Variants in DOCK3 observed in about 807,000 individuals in gnomAD.
DOCK3 encodes dedicator of cytokinesis protein 3.
DOCK3 carries 60 observed loss-of-function variants against 265.6 expected under a neutral mutation model. That is an observed-to-expected ratio of 0.23 (90% confidence interval 0.18 to 0.28). The LOEUF (loss-of-function observed/expected upper bound fraction) is 0.28, where lower values mean the gene tolerates loss of function less well. DOCK3 is among the 10% of genes least tolerant of loss of function. The pLI, the probability that DOCK3 is intolerant of heterozygous loss-of-function variation, is 1.00. For synonymous variants in DOCK3, 881 were observed against 938.0 expected, an observed-to-expected ratio of 0.94 and a Z score of 1.11; for missense variants, 1,981 against 2,594.3, an observed-to-expected ratio of 0.76 and a Z score of 5.14.
At chr3:50,690,834 G>T (rs1306507872) in intron 1 of DOCK3, among the ~76,000 whole-genome samples, 1 of 151,444 alleles carries the variant, frequency 6.6e-6, no homozygotes, top group Non-Finnish European at 1.5e-5. Context: ...GTAGAGATGG[G>T]GTTTCACTAT....
At chr3:50,948,291 G>A (rs1489189227) in intron 5 of DOCK3, among the ~76,000 whole-genome samples, 5 of 151,178 alleles carry the variant, frequency 3.3e-5, no homozygotes, top group South Asian at 4.2e-4. Context: ...TCCTGACCTC[G>A]TGATCCACCT....
chr3:50,918,599 A>G (rs1328263256), intron 4 of DOCK3, among the ~76,000 whole-genome samples: 4 of 151,308 alleles, frequency 2.6e-5, no homozygotes, highest in African/African-American at 9.8e-5. Context: ...CCACTTTTTG[A>G]TGGGGTTGTT....
Position 51,246,823 on chromosome 3 carries a change from C to G in DOCK3, c.2184+16C>G. On this transcript the variant is annotated intron_variant, in intron 22 of 52. Transcript: ENST00000266037. Reference sequence around the variant, plus strand: ...AGCTATGCGGGTAATGTACTAACCTCTCCATACATAAGAGACCCACTCATG... The same window carrying G: ...AGCTATGCGGGTAATGTACTAACCTGTCCATACATAAGAGACCCACTCATG... The G allele has an allele frequency of 6.2e-7, 1 of 1,609,128 alleles. No individual in the cohort carries two copies. Among genetic ancestry groups the G allele is most frequent in the Non-Finnish European group, 8.5e-7 (1 of 1,177,366 alleles).
intron 5 of DOCK3, among the ~76,000 whole-genome samples, chr3:50,988,182 A>T (rs957214858): frequency 1.3e-5 from 2 of 152,074 alleles, no homozygotes; most frequent in Admixed American, 1.3e-4. Flanking sequence ...CACCTTAGCC[A>T]TTCCAGCCTT....
intron 27 of DOCK3, among the ~76,000 whole-genome samples, chr3:51,287,657 G>T (rs1370536329): frequency 1.3e-5 from 2 of 152,208 alleles, no homozygotes; most frequent in African/African-American, 4.8e-5. Context: ...TGAGGTTGCA[G>T]AGAAGAGGGA....
intron 1 of DOCK3, among the ~76,000 whole-genome samples, chr3:50,770,820 C>T (rs149171043): frequency 2.0e-5 from 3 of 152,126 alleles, no homozygotes; most frequent in Non-Finnish European, 4.4e-5. Context: ...ACAGCTACAG[C>T]GAACTCATTT....
intron 7 of DOCK3, among the ~76,000 whole-genome samples, chr3:51,079,449 T>C (rs1427319937): frequency 6.6e-6 from 1 of 152,030 alleles, no homozygotes; most frequent in Admixed American, 6.6e-5. Context: ...CTTCCCACCT[T>C]AACCTCCTAA....
rs1349719338 is a variant in DOCK3 at position 50,983,768 on chromosome 3, A to G, written c.315+49691A>G. On this transcript the variant is annotated intron_variant, in intron 5 of 52. Coordinates refer to ENST00000266037, the MANE Select transcript of DOCK3 (RefSeq NM_004947.5). ...CAGGACCCGCCAAACTGGTGAGGCT[A>G]AAAGAGCTATAACACAAACAGGGCT... Among the ~76,000 whole-genome samples the G allele has an allele frequency of 2.6e-5, 4 of 152,286 alleles. No individual in the cohort carries two copies. The East Asian group carries it at 7.7e-4, about 29-fold the overall frequency.
At chr3:50,938,113 C>G (rs1232866924) in intron 5 of DOCK3, among the ~76,000 whole-genome samples, 1 of 151,942 alleles carries the variant, frequency 6.6e-6, no homozygotes, top group Non-Finnish European at 1.5e-5. Context: ...ATTATGAATA[C>G]TTTTTCCTTA....
intron 5 of DOCK3, among the ~76,000 whole-genome samples, chr3:51,031,437 G>T (rs1414183991): frequency 6.6e-6 from 1 of 152,190 alleles, no homozygotes; most frequent in African/African-American, 2.4e-5. Context: ...TAAAGTCTCT[G>T]AATGGGGAGC....
At chr3:50,729,673 C>T (rs1388925613) in intron 1 of DOCK3, among the ~76,000 whole-genome samples, 3 of 151,802 alleles carry the variant, frequency 2.0e-5, no homozygotes, top group Non-Finnish European at 2.9e-5. Context: ...CTAGGACACA[C>T]CACCATACCA....
At chr3:51,003,479 G>A (rs2078556340) in intron 5 of DOCK3, among the ~76,000 whole-genome samples, 1 of 152,198 alleles carries the variant, frequency 6.6e-6, no homozygotes, top group Admixed American at 6.5e-5. Context: ...AATTCATAGA[G>A]CTGCAAGTGA....
At chr3:50,888,534 G>A (rs1441269936) in intron 3 of DOCK3, among the ~76,000 whole-genome samples, 11 of 152,054 alleles carry the variant, frequency 7.2e-5, no homozygotes, top group Non-Finnish European at 1.5e-4. Context: ...TGGAACCAAA[G>A]AAGAGCCCGC....
At position 51,358,042 on chromosome 3, in the gene DOCK3, G is replaced by A. The variant is rs1439771307; in HGVS notation, c.4849G>A (p.Asp1617Asn). The A allele has an allele frequency of 6.2e-7, 1 of 1,613,974 alleles. No individual in the cohort carries two copies. Among genetic ancestry groups the A allele is most frequent in the Non-Finnish European group, 8.5e-7 (1 of 1,179,884 alleles). ...GCGGCCTCTGCATAAGAAGCTAATT[G>A]ATCAGTTCCAGATGATGCGGGCCAG... ...EMRPLHKKLI[D>N]QFQMMRASLY... Residue 1617 changes from aspartate (D) to asparagine (N), a missense_variant, in exon 46 of 53, where the codon GAT becomes AAT. This residue lies in a region of DOCK3 where 1,357 missense variants were observed against 1,866.8 expected (regional missense o/e 0.73). Coordinates refer to ENST00000266037, the MANE Select transcript of DOCK3 (RefSeq NM_004947.5).
intron 12 of DOCK3, among the ~76,000 whole-genome samples, chr3:51,191,885 T>C (rs775525043): frequency 3.3e-5 from 5 of 151,756 alleles, no homozygotes; most frequent in Non-Finnish European, 7.4e-5. Flanking sequence ...CTCTGAATAT[T>C]AGTCCCTTGT....
intron 33 of DOCK3, among the ~76,000 whole-genome samples, chr3:51,330,609 C>T (rs1452589972): frequency 6.6e-6 from 1 of 152,108 alleles, no homozygotes; most frequent in African/African-American, 2.4e-5. Flanking sequence ...TCCTGTTTGC[C>T]CTGCTTTGTA....
intron 6 of DOCK3, among the ~76,000 whole-genome samples, chr3:51,065,043 A>G (rs1411232637): frequency 6.6e-6 from 1 of 152,172 alleles, no homozygotes; most frequent in Admixed American, 6.5e-5. Flanking sequence ...ACTTCAGAAT[A>G]TTTTTGACTA....
chr3:51,318,742 C>T (rs2083509212), intron 32 of DOCK3, among the ~76,000 whole-genome samples: 1 of 152,036 alleles, frequency 6.6e-6, no homozygotes, highest in Non-Finnish European at 1.5e-5. Flanking sequence ...GTTTGAACTT[C>T]TGTAGCCTAA....
rs1334579336 is a variant in DOCK3 at position 51,234,151 on chromosome 3, CTTG to C, written c.1918-2191_1918-2189del. On this transcript the variant is annotated intron_variant, in intron 19 of 52. Coordinates refer to ENST00000266037, the MANE Select transcript of DOCK3 (RefSeq NM_004947.5). ...CTTTTTCTCCACATCCTCACCAACA[CTTG>C]TTATGTTTTATCTTTTGGTAATAGC... 3.3e-5 allele frequency among the ~76,000 whole-genome samples: 5 copies of C among 152,290 alleles called. No individual in the cohort carries two copies. The East Asian group carries it at 7.7e-4, about 23-fold the overall frequency.
Sources: gnomAD v4.1 joint callset for allele counts (sites outside exome capture counted in the v4.1 genomes callset) on GRCh38, gnomAD v4.1.1 for gene constraint, gnomAD v4.1.1 regional missense constraint, MANE v1.5 for transcripts, NCBI Gene and HGNC (gene_info 2026-07-23, HGNC 2026-07-21) for gene names.